NMNAT3: variants seen among roughly 807,000 people sequenced by gnomAD.
NMNAT3 encodes the protein nicotinamide nucleotide adenylyltransferase 3.
Under a neutral mutation model 24.8 loss-of-function variants are expected in NMNAT3, and 21 were observed. The ratio of observed to expected loss-of-function variants is 0.85; its 90% confidence interval spans 0.60 to 1.22. NMNAT3 has a LOEUF of 1.22. NMNAT3 is among the 50% of genes most tolerant of loss of function. The pLI is 0.00. For synonymous variants in NMNAT3, 136 were observed against 155.2 expected, an observed-to-expected ratio of 0.88 and a Z score of 0.92; for missense variants, 387 against 436.6, an observed-to-expected ratio of 0.89 and a Z score of 1.01.
At chr3:139,584,546 T>A (rs2053845619) in intron 3 of NMNAT3, 1 of 152,250 alleles carries the variant, frequency 6.6e-6, no homozygotes, top group Admixed American at 6.5e-5. Flanking sequence ...TTCAAAGCAT[T>A]TTCTAATTTC....
intron 3 of NMNAT3, among the ~76,000 whole-genome samples, chr3:139,585,675 T>C (rs1262252074): frequency 2.0e-5 from 3 of 152,228 alleles, no homozygotes; most frequent in Admixed American, 1.3e-4. Flanking sequence ...GGCTTGAGTT[T>C]TTTTGGCTAA....
chr3:139,622,780 G>GATATAT (rs1028139239), intron 3 of NMNAT3, among the ~76,000 whole-genome samples: 1 of 135,868 alleles, frequency 7.4e-6, no homozygotes, highest in Non-Finnish European at 1.5e-5. Context: ...TCATATATAT[G>GATATAT]ATATATATAT....
chr3:139,591,133 A>G (rs1178071791), intron 3 of NMNAT3, among the ~76,000 whole-genome samples: 1 of 151,246 alleles, frequency 6.6e-6, no homozygotes, highest in East Asian at 1.9e-4. Flanking sequence ...GAGCCGAAGC[A>G]GGGCGAGGCA....
At chr3:139,580,557 G>A (rs530025768) in intron 4 of NMNAT3, among the ~76,000 whole-genome samples, 2 of 152,320 alleles carry the variant, frequency 1.3e-5, no homozygotes, top group East Asian at 3.9e-4. Flanking sequence ...ATAAGAGAGA[G>A]CAGTGGTGTT....
intron 3 of NMNAT3, among the ~76,000 whole-genome samples, chr3:139,623,699 G>C (rs141397592): frequency 3.2e-4 from 48 of 152,108 alleles, no homozygotes; most frequent in African/African-American, 1.1e-3. Context: ...TTCCCTGCCT[G>C]AGCCTCCCAA....
chr3:139,576,713 G>A (rs1004364117), intron 5 of NMNAT3, among the ~76,000 whole-genome samples: 43 of 152,050 alleles, frequency 2.8e-4, no homozygotes, highest in Admixed American at 2.2e-3. Flanking sequence ...GGTGATTCCC[G>A]TGTGCAAACT....
chr3:139,613,903 C>G (rs559541198), intron 3 of NMNAT3, among the ~76,000 whole-genome samples: 43 of 152,006 alleles, frequency 2.8e-4, no homozygotes, highest in African/African-American at 9.6e-4. Context: ...ACCAAACACC[C>G]GCATGTTCTC....
At chr3:139,643,345 G>C (rs1015891196) in intron 1 of NMNAT3, among the ~76,000 whole-genome samples, 7 of 152,022 alleles carry the variant, frequency 4.6e-5, no homozygotes, top group Admixed American at 4.6e-4. Context: ...ATATGATCCA[G>C]GAATTCCACT....
At chr3:139,604,223 G>T (rs556519024) in intron 3 of NMNAT3, among the ~76,000 whole-genome samples, 1 of 152,202 alleles carries the variant, frequency 6.6e-6, no homozygotes, top group Non-Finnish European at 1.5e-5. Flanking sequence ...TGCAAGCCAC[G>T]TAGCAACTAG....
At chr3:139,568,552 CAT>C (rs1937574654) in intron 6 of NMNAT3, 1 of 151,454 alleles carries the variant, frequency 6.6e-6, no homozygotes, top group Non-Finnish European at 1.5e-5. Context: ...TCTTTGTTCT[CAT>C]TGGTTTCAAA....
chr3:139,618,143 C>A (rs1313786650), intron 3 of NMNAT3, among the ~76,000 whole-genome samples: 2 of 152,110 alleles, frequency 1.3e-5, no homozygotes, highest in African/African-American at 4.8e-5. Flanking sequence ...AGATAACACA[C>A]AATTGTACCA....
intron 1 of NMNAT3, among the ~76,000 whole-genome samples, chr3:139,649,230 G>A (rs530453142): frequency 6.6e-6 from 1 of 152,270 alleles, no homozygotes; most frequent in African/African-American, 2.4e-5. Context: ...TGTGCTCAGT[G>A]AAGGGCTATG....
intron 3 of NMNAT3, among the ~76,000 whole-genome samples, chr3:139,608,927 C>T (rs2055066608): frequency 6.6e-6 from 1 of 152,238 alleles, no homozygotes; most frequent in African/African-American, 2.4e-5. Flanking sequence ...TCCCTGTTAA[C>T]CACTGATATG....
chr3:139,579,239 C>T (rs1023648197), intron 4 of NMNAT3, among the ~76,000 whole-genome samples, 184 bp from the exon 5 acceptor site: 2 of 152,160 alleles, frequency 1.3e-5, no homozygotes, highest in African/African-American at 2.4e-5. Context: ...CCTTAGTGAA[C>T]ATGTGCTTCT....
chr3:139,608,332 TAACA>T (rs10605874), intron 3 of NMNAT3, among the ~76,000 whole-genome samples: 139,651 of 151,892 alleles, frequency 0.92, 65,378 homozygotes, highest in East Asian at 1. Flanking sequence ...GGGCTTTACC[TAACA>T]AACACTTGCA....
intron 1 of NMNAT3, among the ~76,000 whole-genome samples, chr3:139,656,287 A>G (rs1362062559): frequency 1.3e-5 from 2 of 152,232 alleles, no homozygotes; most frequent in African/African-American, 4.8e-5. Flanking sequence ...TAATTGACAG[A>G]GTAGCATGTA....
At chr3:139,670,998 C>T (rs2057739173) in intron 1 of NMNAT3, among the ~76,000 whole-genome samples, 1 of 152,166 alleles carries the variant, frequency 6.6e-6, no homozygotes, top group South Asian at 2.1e-4. Flanking sequence ...CCAAACCTGG[C>T]TTTAACATTC....
At chr3:139,615,464 C>CTATCT (rs1438028853) in intron 3 of NMNAT3, among the ~76,000 whole-genome samples, 11,033 of 106,136 alleles carry the variant, frequency 0.1, 478 homozygotes, top group East Asian at 0.19. Flanking sequence ...TCTATCTATC[C>CTATCT]ATCCACCCAC....
intron 4 of NMNAT3, among the ~76,000 whole-genome samples, chr3:139,580,612 C>A (rs1278684696): frequency 6.6e-6 from 1 of 152,174 alleles, no homozygotes; most frequent in Non-Finnish European, 1.5e-5. Context: ...CGAATTCAGG[C>A]AGGTGCTAAA....
Sources: gnomAD v4.1 joint callset for allele counts (sites outside exome capture counted in the v4.1 genomes callset) on GRCh38, gnomAD v4.1.1 for gene constraint, MANE v1.5 for transcripts, NCBI Gene and HGNC (gene_info 2026-07-23, HGNC 2026-07-21) for gene names.